The following GNG12 variants were observed in gnomAD, a reference collection of about 807,000 sequenced individuals.
GNG12 encodes the protein G protein subunit gamma 12.
For missense variants in GNG12, 69 were observed against 83.8 expected (o/e 0.82, Z 0.69); for synonymous variants, 28 against 29.7 (o/e 0.94, Z 0.19).
At chr1:67,823,098 A>G (rs1243853196) in intron 1 of GNG12, among the ~76,000 whole-genome samples, 1 of 152,210 alleles carries the variant, frequency 6.6e-6, no homozygotes, top group African/African-American at 2.4e-5. Context: ...GGAGAACAGG[A>G]GCCCAATTCA....
In GNG12 at chr1:67,702,313, T is replaced by C. The variant is rs1428590812; in HGVS notation, c.*3138A>G. ...ATCATTTTGGGGGCCTATATAGATCTTACATCAAAATTCAGAGGAATTAGT... is the reference window on the plus strand; with the variant it reads ...ATCATTTTGGGGGCCTATATAGATCCTACATCAAAATTCAGAGGAATTAGT... On this transcript the variant is annotated 3_prime_UTR_variant, in exon 4 of 4. Coordinates refer to ENST00000370982, the MANE Select transcript of GNG12 (RefSeq NM_018841.6). 1 of 152,164 alleles carries C rather than the reference T, an allele frequency of 6.6e-6. No homozygotes were observed. The highest frequency in any genetic ancestry group is 1.5e-5 in the Non-Finnish European group (1 of 68,024). The allele number at this position is 152,164 out of a possible 1,614,324, so 9.4% of individuals were successfully genotyped here.
At chr1:67,790,248 A>G (rs1183758630) in intron 1 of GNG12, among the ~76,000 whole-genome samples, 1 of 152,152 alleles carries the variant, frequency 6.6e-6, no homozygotes, top group Non-Finnish European at 1.5e-5. Flanking sequence ...CTCTATTGTA[A>G]TATTAGTTTG....
At chr1:67,711,297 C>T (rs568817704) in intron 2 of GNG12, among the ~76,000 whole-genome samples, 20 of 152,192 alleles carry the variant, frequency 1.3e-4, no homozygotes, top group African/African-American at 4.6e-4. Context: ...ACAAATTAAC[C>T]TGACATATAA....
At chr1:67,762,010 T>C (rs934561154) in intron 2 of GNG12, among the ~76,000 whole-genome samples, 4 of 152,202 alleles carry the variant, frequency 2.6e-5, no homozygotes, top group African/African-American at 4.8e-5. Context: ...CTGGCCTCTT[T>C]GTTCAGGGCC....
At chr1:67,791,808 T>C (rs1323695347) in intron 1 of GNG12, among the ~76,000 whole-genome samples, 2 of 152,078 alleles carry the variant, frequency 1.3e-5, no homozygotes, top group East Asian at 1.9e-4. Flanking sequence ...CATCAGTCAT[T>C]ATTCCCTAGC....
At chr1:67,719,148 C>T (rs955515120) in intron 2 of GNG12, among the ~76,000 whole-genome samples, 1 of 152,146 alleles carries the variant, frequency 6.6e-6, no homozygotes, top group African/African-American at 2.4e-5. Flanking sequence ...GGGAGTGTTA[C>T]CCCATTTCCT....
intron 2 of GNG12, among the ~76,000 whole-genome samples, chr1:67,769,710 G>A (rs950863139): frequency 6.6e-6 from 1 of 152,188 alleles, no homozygotes; most frequent in Non-Finnish European, 1.5e-5. Context: ...ATAACAGGGT[G>A]TCTAAGCTTC....
intron 2 of GNG12, among the ~76,000 whole-genome samples, chr1:67,734,958 A>G (rs1646443968): frequency 6.6e-6 from 1 of 152,082 alleles, no homozygotes; most frequent in African/African-American, 2.4e-5. Context: ...ACTTCAAGCA[A>G]TTCTCCTGCT....
chr1:67,830,280 T>C (rs965905024), intron 1 of GNG12, among the ~76,000 whole-genome samples: 2 of 152,184 alleles, frequency 1.3e-5, no homozygotes, highest in East Asian at 1.9e-4. Context: ...GCTGGGATTA[T>C]AGGTGTGAGC....
intron 1 of GNG12, among the ~76,000 whole-genome samples, chr1:67,793,867 G>A (rs962443377): frequency 2.0e-5 from 3 of 152,042 alleles, no homozygotes; most frequent in African/African-American, 7.2e-5. Flanking sequence ...ACCAGTTTCA[G>A]CACACAGTTT....
rs2100716464 is a variant in GNG12 at position 67,743,978 on chromosome 1, T to C, written c.-27+33480A>G. Among the ~76,000 whole-genome samples the C allele has an allele frequency of 1.3e-5, 2 of 152,348 alleles. 1 individual carries two copies. Among genetic ancestry groups the C allele is most frequent in the South Asian group, 4.1e-4 (2 of 4,824 alleles). On this transcript the variant is annotated intron_variant, in intron 2 of 3. Transcript: ENST00000370982. ...TAACATAGTAAGCCACTTGGGTGTG[T>C]TCCTTTGAGTGAGTTTTTGTGTGTG...
intron 2 of GNG12, among the ~76,000 whole-genome samples, chr1:67,711,027 T>C (rs1013731468): frequency 7.9e-5 from 12 of 152,148 alleles, no homozygotes; most frequent in Admixed American, 2.0e-4. Context: ...CTGCTACCCC[T>C]CTCAGGCTCC....
intron 2 of GNG12, among the ~76,000 whole-genome samples, chr1:67,746,158 C>T (rs1383409587): frequency 2.0e-5 from 3 of 151,998 alleles, no homozygotes; most frequent in Non-Finnish European, 4.4e-5. Context: ...AGTTAAGATA[C>T]TATAAAGTTG....
At chr1:67,736,038 C>T (rs1322649860) in intron 2 of GNG12, among the ~76,000 whole-genome samples, 1 of 152,136 alleles carries the variant, frequency 6.6e-6, no homozygotes, top group African/African-American at 2.4e-5. Context: ...TACAAACACA[C>T]TTTCTTGCGG....
At chr1:67,829,811 A>C (rs1189976173) in intron 1 of GNG12, among the ~76,000 whole-genome samples, 1 of 152,210 alleles carries the variant, frequency 6.6e-6, no homozygotes, top group East Asian at 1.9e-4. Context: ...AACAATTAAT[A>C]ATCACACTGT....
chr1:67,825,381 A>G (rs1647005612), intron 1 of GNG12, among the ~76,000 whole-genome samples: 1 of 152,218 alleles, frequency 6.6e-6, no homozygotes, highest in Non-Finnish European at 1.5e-5. Flanking sequence ...AGTATGAACC[A>G]GCACCTTGAT....
At chr1:67,782,020 C>A (rs747687928) in intron 1 of GNG12, among the ~76,000 whole-genome samples, 21 of 152,070 alleles carry the variant, frequency 1.4e-4, no homozygotes, top group Non-Finnish European at 2.6e-4. Flanking sequence ...TTTCAAGTGG[C>A]CAAGCAGCCA....
chr1:67,741,564 G>A (rs1557602098), intron 2 of GNG12, among the ~76,000 whole-genome samples: 1 of 152,182 alleles, frequency 6.6e-6, no homozygotes, highest in Non-Finnish European at 1.5e-5. Flanking sequence ...GAGGGGCTGG[G>A]ATCACCCCAA....
chr1:67,814,905 G>C (rs1013905603), intron 1 of GNG12, among the ~76,000 whole-genome samples: 1 of 152,196 alleles, frequency 6.6e-6, no homozygotes, highest in Non-Finnish European at 1.5e-5. Flanking sequence ...TAATGGAGTT[G>C]TAATGCCAGG....
Sources: allele counts gnomAD v4.1 joint callset (sites outside exome capture counted in the v4.1 genomes callset), GRCh38; gene constraint gnomAD v4.1.1; transcripts MANE v1.5; gene names NCBI Gene and HGNC (gene_info 2026-07-23, HGNC 2026-07-21).